Variants in WDPCP observed in about 807,000 individuals in gnomAD.
The protein encoded by WDPCP is WD repeat-containing and planar cell polarity effector protein fritz homolog.
In WDPCP, 71 loss-of-function variants were observed where a neutral mutation model predicts 93.1. The observed-to-expected ratio is 0.76, with a 90% CI of 0.63 to 0.93. The LOEUF (loss-of-function observed/expected upper bound fraction) is 0.93. WDPCP is among the 40% of genes least tolerant of loss of function. The probability of loss-of-function intolerance (pLI) is 0.00; values close to 1 mark genes in which losing one functional copy is unlikely to be tolerated. For synonymous variants in WDPCP, 315 were observed against 315.0 expected, an observed-to-expected ratio of 1.00 and a Z score of 0.00; for missense variants, 844 against 887.4, an observed-to-expected ratio of 0.95 and a Z score of 0.62.
rs186134189 is a variant in WDPCP at position 63,534,088 on chromosome 2, C to T, written c.76-41148G>A. Among the ~76,000 whole-genome samples the T allele has an allele frequency of 8.1e-3, 1,228 of 152,140 alleles. 12 individuals are homozygous for T. Among genetic ancestry groups the T allele is most frequent in the Middle Eastern group, 0.014 (4 of 294 alleles). On this transcript the variant is annotated intron_variant, in intron 1 of 17. Coordinates refer to ENST00000272321, the MANE Select transcript of WDPCP (RefSeq NM_015910.7). ...TCAGAGAATACTACAAACACCTCTA[C>T]ACAAATAAACTAGAAAATCTAGAAG...
chr2:63,555,894 G>A (rs1025606704), intron 1 of WDPCP, among the ~76,000 whole-genome samples: 1 of 152,128 alleles, frequency 6.6e-6, no homozygotes, highest in Non-Finnish European at 1.5e-5. Flanking sequence ...TCACAAAGAT[G>A]AGAAAGAATC....
chr2:63,764,290 G>GTATTTTCCTCCAAAAA (rs1305359032), intron 2 of WDPCP, among the ~76,000 whole-genome samples: 1 of 152,098 alleles, frequency 6.6e-6, no homozygotes, highest in African/African-American at 2.4e-5. Context: ...CCTCCAAAAA[G>GTATTTTCCTCCAAAAA]TATAAAAATT....
intron 2 of WDPCP, among the ~76,000 whole-genome samples, chr2:63,754,998 G>A (rs2103895503): frequency 6.6e-6 from 1 of 152,266 alleles, no homozygotes; most frequent in Admixed American, 6.5e-5. Context: ...TTCCAATATG[G>A]CTTCCTTAGT....
At chr2:63,664,330 G>A (rs262519) in intron 2 of WDPCP, among the ~76,000 whole-genome samples, 121,983 of 152,204 alleles carry the variant, frequency 0.8, 49,305 homozygotes, top group East Asian at 0.98. Flanking sequence ...GAGACTATAT[G>A]ACAAGAAACA....
At chr2:63,164,729 T>G (rs1672846961) in intron 15 of WDPCP, among the ~76,000 whole-genome samples, 1 of 152,164 alleles carries the variant, frequency 6.6e-6, no homozygotes, top group Non-Finnish European at 1.5e-5. Flanking sequence ...CACACAAATG[T>G]GTATGTATAA....
intron 1 of WDPCP, among the ~76,000 whole-genome samples, chr2:63,530,296 G>T (rs1703725707): frequency 6.6e-6 from 1 of 152,114 alleles, no homozygotes; most frequent in African/African-American, 2.4e-5. Context: ...TGATGTTAGG[G>T]TGTCAATTTT....
intron 14 of WDPCP, among the ~76,000 whole-genome samples, chr2:63,257,844 G>A (rs1183272644): frequency 6.6e-6 from 1 of 152,046 alleles, no homozygotes; most frequent in African/African-American, 2.4e-5. Flanking sequence ...ATGCAAAGAT[G>A]GCCCTCATTA....
At chr2:63,625,467 A>C (rs1175916719) in intron 3 of WDPCP, among the ~76,000 whole-genome samples, 1 of 152,244 alleles carries the variant, frequency 6.6e-6, no homozygotes, top group African/African-American at 2.4e-5. Flanking sequence ...GCTGATAAGC[A>C]ACTTCAGCAA....
intron 14 of WDPCP, among the ~76,000 whole-genome samples, chr2:63,186,520 C>T (rs1010945482): frequency 1.3e-5 from 2 of 152,222 alleles, no homozygotes; most frequent in African/African-American, 2.4e-5. Flanking sequence ...GGAGCATTTC[C>T]CAGCATTTTT....
chr2:63,718,297 G>C (rs1669366396), intron 2 of WDPCP, among the ~76,000 whole-genome samples: 1 of 151,982 alleles, frequency 6.6e-6, no homozygotes, highest in African/African-American at 2.4e-5. Context: ...TGGATCAAGG[G>C]GTAGTTCTAT....
At chr2:63,166,761 C>T (rs1673022435) in intron 15 of WDPCP, among the ~76,000 whole-genome samples, 1 of 152,174 alleles carries the variant, frequency 6.6e-6, no homozygotes, top group Non-Finnish European at 1.5e-5. Context: ...AGGTGTCCAT[C>T]ACCTAAAGCA....
intron 1 of WDPCP, among the ~76,000 whole-genome samples, chr2:63,513,461 G>T (rs1309075052): frequency 2.0e-5 from 3 of 152,000 alleles, no homozygotes; most frequent in Non-Finnish European, 4.4e-5. Flanking sequence ...CACTTTAAAG[G>T]GGATTTGAAG....
intron 1 of WDPCP, among the ~76,000 whole-genome samples, chr2:63,555,782 A>G (rs1575639733): frequency 1.3e-5 from 2 of 152,304 alleles, no homozygotes; most frequent in East Asian, 3.9e-4. Context: ...TTAAAAGAAA[A>G]ACAAACAGAA....
intron 10 of WDPCP, among the ~76,000 whole-genome samples, chr2:63,396,426 A>C (rs1023917978): frequency 2.0e-5 from 3 of 152,150 alleles, no homozygotes; most frequent in Non-Finnish European, 2.9e-5. Context: ...TGTTAGCTTT[A>C]ATTACCTCTT....
intron 17 of WDPCP, among the ~76,000 whole-genome samples, chr2:63,127,233 T>C (rs1411323088): frequency 1.3e-5 from 2 of 151,410 alleles, no homozygotes; most frequent in Admixed American, 1.3e-4. Flanking sequence ...GCAATTCTCC[T>C]GCCTCAGCCT....
At chr2:63,608,688 T>C (rs1709581511) in intron 3 of WDPCP, among the ~76,000 whole-genome samples, 1 of 152,106 alleles carries the variant, frequency 6.6e-6, no homozygotes, top group African/African-American at 2.4e-5. Context: ...TGGATTCCTG[T>C]AATCCCAGCT....
At chr2:63,416,199 C>CT (rs142173557) in intron 9 of WDPCP, among the ~76,000 whole-genome samples, 58,773 of 149,518 alleles carry the variant, frequency 0.39, 11,759 homozygotes, top group Non-Finnish European at 0.42. Flanking sequence ...TCTTTTTTTT[C>CT]CTTTTTTTTT....
At chr2:63,430,875 C>T (rs1026254309) in intron 9 of WDPCP, among the ~76,000 whole-genome samples, 5 of 152,222 alleles carry the variant, frequency 3.3e-5, no homozygotes, top group African/African-American at 7.2e-5. Context: ...AGCGAGACTA[C>T]GTCTAAAATA....
chr2:63,818,536 G>T (rs1481885411), intron 1 of WDPCP, among the ~76,000 whole-genome samples: 5 of 152,166 alleles, frequency 3.3e-5, no homozygotes. Flanking sequence ...TGAATTAGGA[G>T]AGTGACAGTG....
Sources: gnomAD v4.1 joint callset for allele counts (sites outside exome capture counted in the v4.1 genomes callset) on GRCh38, gnomAD v4.1.1 for gene constraint, MANE v1.5 for transcripts, NCBI Gene and HGNC (gene_info 2026-07-23, HGNC 2026-07-21) for gene names.